The following WDR20 variants were observed in gnomAD, a reference collection of about 807,000 sequenced individuals.
WDR20 encodes WD repeat domain 20.
Under a neutral mutation model 38.7 loss-of-function variants are expected in WDR20, and 3 were observed. The observed-to-expected ratio is 0.08, with a 90% confidence interval of 0.04 to 0.20. The LOEUF (loss-of-function observed/expected upper bound fraction) is 0.20. Ranked by LOEUF, WDR20 falls within the 10% of genes least tolerant of loss-of-function variation. The probability of loss-of-function intolerance (pLI) is 1.00; values close to 1 mark genes in which losing one functional copy is unlikely to be tolerated. For missense variants in WDR20, 559 were observed against 727.7 expected, an observed-to-expected ratio of 0.77 and a Z score of 2.67; for synonymous variants, 298 against 285.6, an observed-to-expected ratio of 1.04 and a Z score of -0.44.
At chr14:102,196,324 T>TA (rs903515598) in intron 2 of WDR20, among the ~76,000 whole-genome samples, 29 of 151,998 alleles carry the variant, frequency 1.9e-4, no homozygotes, top group East Asian at 1.3e-3. Flanking sequence ...CATTTTCCAT[T>TA]AAAAAAAAGT....
At chr14:102,145,720 G>A (rs2053354454) in intron 1 of WDR20, among the ~76,000 whole-genome samples, 1 of 152,132 alleles carries the variant, frequency 6.6e-6, no homozygotes, top group Admixed American at 6.6e-5. Flanking sequence ...GCAGTGAGCT[G>A]TAATCGTGCC....
Position 102,209,570 on chromosome 14 carries a change from A to G in WDR20, c.1400A>G (p.His467Arg). 6.2e-7 allele frequency: 1 copy of G among 1,614,186 alleles called. No individual in the cohort carries two copies. Among genetic ancestry groups the G allele is most frequent in the Non-Finnish European group, 8.5e-7 (1 of 1,180,034 alleles). The change falls in exon 3 of 3, where the codon CAT becomes CGT. Residue 467 changes from histidine (H) to arginine (R), a missense_variant. Physicochemically the swap from His to Arg is conservative, Grantham distance 29 (BLOSUM62 0). Coordinates refer to ENST00000342702, the MANE Select transcript of WDR20 (RefSeq NM_144574.4). The surrounding 1 kb of genome is among the most constrained non-coding windows in gnomAD (Gnocchi z 6.0). ...GVSKFATLSL[H>R]DRKERHHEKD... ...AGCAAATTTGCAACACTTTCACTACATGACCGGAAGGAGAGGCACCACGAG... is the reference window on the plus strand; with the variant it reads ...AGCAAATTTGCAACACTTTCACTACGTGACCGGAAGGAGAGGCACCACGAG...
At chr14:102,224,669 G>C (rs1187570237), downstream of WDR20, 12 of 455,876 alleles carry the variant, frequency 2.6e-5, no homozygotes, top group Admixed American at 2.6e-4. Context: ...CTTCACATCA[G>C]CTCAGCCCTC....
At chr14:102,181,366 G>A (rs960104190) in intron 1 of WDR20, among the ~76,000 whole-genome samples, 1 of 152,178 alleles carries the variant, frequency 6.6e-6, no homozygotes, top group Non-Finnish European at 1.5e-5. Context: ...TGGGCATGGT[G>A]TACTTACAGT....
chr14:102,222,785 C>T lies in WDR20; in HGVS notation c.1693-45C>T, dbSNP rs2064066841. 6.2e-7 allele frequency: 1 copy of T among 1,612,378 alleles called. No individual in the cohort carries two copies. The highest frequency in any genetic ancestry group is 1.7e-5 in the Admixed American group (1 of 59,978). On this transcript the variant is annotated intron_variant, in intron 3 of 3. Coordinates refer to the WDR20 transcript ENST00000335263. This position sits in a 1 kb window ranked among gnomAD's most constrained non-coding sequence, Gnocchi z 4.4. Reference sequence around the variant, plus strand: ...GGAGGGCGCGCATGGTGGCTGTTGCCCGTCCGGTGTTTTGCTGGATTAATG... The same window carrying T: ...GGAGGGCGCGCATGGTGGCTGTTGCTCGTCCGGTGTTTTGCTGGATTAATG...
intron 2 of WDR20, among the ~76,000 whole-genome samples, chr14:102,205,074 C>T (rs1463810422): frequency 2.0e-5 from 3 of 152,090 alleles, no homozygotes; most frequent in African/African-American, 4.8e-5. Context: ...GACAACATAG[C>T]GACACCCTGT....
At chr14:102,215,049 A>C (rs1436207703), downstream of WDR20, 2 of 953,562 alleles carry the variant, frequency 2.1e-6, no homozygotes, top group African/African-American at 3.5e-5. Context: ...AAGCTTTAAA[A>C]ATCCCAGTGA....
intron 1 of WDR20, among the ~76,000 whole-genome samples, chr14:102,184,134 T>C (rs754134255): frequency 6.6e-5 from 10 of 152,198 alleles, no homozygotes; most frequent in Non-Finnish European, 1.5e-4. Context: ...TTTAATGTGA[T>C]GAGATCTGGT....
chr14:102,139,838 G>A, upstream of WDR20: 13 of 1,553,002 alleles, frequency 8.4e-6, no homozygotes, highest in Non-Finnish European at 1.1e-5. Flanking sequence ...GAGGCAGGGG[G>A]TGGGGGAAGA....
chr14:102,151,667 G>T (rs1348859683), intron 1 of WDR20, among the ~76,000 whole-genome samples: 1 of 151,934 alleles, frequency 6.6e-6, no homozygotes, highest in African/African-American at 2.4e-5. Flanking sequence ...GGGATTATAG[G>T]CATGAACCAC....
chr14:102,153,636 G>T (rs1033299614), intron 1 of WDR20, among the ~76,000 whole-genome samples: 3 of 152,096 alleles, frequency 2.0e-5, no homozygotes, highest in Non-Finnish European at 4.4e-5. Context: ...CCCAGTCTCA[G>T]GTATTTCCTT....
chr14:102,195,213 A>G lies in WDR20; in HGVS notation c.432+93A>G, dbSNP rs114354673. 1,850 of 1,425,360 alleles carry G rather than the reference A, an allele frequency of 1.3e-3. 22 individuals are homozygous for G. The African/African-American group carries it at 0.023, about 18-fold the overall frequency. The allele number at this position is 1,425,360 out of a possible 1,614,324, so 88.3% of individuals were successfully genotyped here. On this transcript the variant is annotated intron_variant, in intron 2 of 2. Transcript: ENST00000342702. ...TCGGCCTTATTTTGCACTTCAAGCT[A>G]AGCCCATTTTTTATTCGCCCAGCCC... is the stretch of plus-strand genomic sequence containing the variant.
Position 102,209,642 on chromosome 14 carries a change from G to A in WDR20, c.1472G>A (p.Ser491Asn), listed in dbSNP as rs540991291. ...AGCATGGGACACATTTCTAGCAAGA[G>A]CAGTGACAAACTGAATCTAGTTACC... ...NHSMGHISSK[S>N]SDKLNLVTKT... Residue 491 changes from serine (S) to asparagine (N), a missense_variant, in exon 3 of 3, where the codon AGC becomes AAC. Physicochemically the swap from Ser to Asn is conservative, Grantham distance 46. Coordinates refer to ENST00000342702, the MANE Select transcript of WDR20 (RefSeq NM_144574.4). The surrounding 1 kb of genome is among the most constrained non-coding windows in gnomAD (Gnocchi z 6.0). 9.3e-6 allele frequency: 15 copies of A among 1,614,178 alleles called. No homozygotes were observed. The East Asian group carries it at 2.7e-4, about 29-fold the overall frequency.
upstream of WDR20, chr14:102,139,448 T>C: frequency 1.3e-6 from 2 of 1,497,644 alleles, no homozygotes; most frequent in Non-Finnish European, 1.8e-6. Context: ...TCCGAAGCGG[T>C]GGCCGTCGGG....
downstream of WDR20, among the ~76,000 whole-genome samples, chr14:102,218,889 G>A (rs2063548428): frequency 6.6e-6 from 1 of 152,242 alleles, no homozygotes; most frequent in African/African-American, 2.4e-5. Flanking sequence ...GCACGCTGCT[G>A]AGCACAGGTG....
intron 1 of WDR20, among the ~76,000 whole-genome samples, chr14:102,151,546 C>G (rs1398521416): frequency 6.6e-6 from 1 of 151,800 alleles, no homozygotes; most frequent in East Asian, 1.9e-4. Context: ...CAGGTGTGCA[C>G]CACCACGCCT....
intron 1 of WDR20, 147 bp from the exon 2 acceptor site, chr14:102,194,791 T>G: frequency 1.2e-6 from 1 of 806,240 alleles, no homozygotes; most frequent in Non-Finnish European, 1.9e-6. Context: ...TATAAAATGT[T>G]AGATGATGTT....
rs1331710298 is a variant in WDR20, at chr14:102,207,920, G to T, written c.433-683G>T. ...ACACACACTCCCGAATGAATCGTCA[G>T]TGTATCTCTCTCAACACCAGCAGAG... is the stretch of plus-strand genomic sequence containing the variant. On this transcript the variant is annotated intron_variant, in intron 2 of 2. Transcript: ENST00000342702. This position sits in a 1 kb window ranked among gnomAD's most constrained non-coding sequence, Gnocchi z 5.0. Among the ~76,000 whole-genome samples the T allele has an allele frequency of 6.6e-6, 1 of 152,198 alleles. No individual in the cohort carries two copies. Among genetic ancestry groups the T allele is most frequent in the Non-Finnish European group, 1.5e-5 (1 of 68,030 alleles).
At chr14:102,213,809 G>A (rs1597089782), downstream of WDR20, 12 of 985,270 alleles carry the variant, frequency 1.2e-5, no homozygotes, top group Admixed American at 6.1e-5. Context: ...TTTGTTGAGC[G>A]AGCTCAAAGT....
Sources: gnomAD v4.1 joint callset for allele counts (sites outside exome capture counted in the v4.1 genomes callset) on GRCh38, gnomAD v4.1.1 for gene constraint, Gnocchi (gnomAD v3.1) non-coding constraint, MANE v1.5 for transcripts, NCBI Gene and HGNC (gene_info 2026-07-23, HGNC 2026-07-21) for gene names.